POU3F3: variants seen among roughly 807,000 people sequenced by gnomAD.
POU3F3 encodes the protein POU class 3 homeobox 3, also known as POU domain, class 3, transcription factor 3.
Under a neutral mutation model 8.6 loss-of-function variants are expected in POU3F3, and 1 was observed. The observed-to-expected ratio is 0.12, with a 90% CI of 0.04 to 0.55. The LOEUF is 0.55. Ranked by LOEUF, POU3F3 falls within the 20% of genes least tolerant of loss-of-function variation. The pLI, the probability that POU3F3 is intolerant of heterozygous loss-of-function variation, is 0.91. For synonymous variants in POU3F3, 418 were observed against 327.4 expected, an observed-to-expected ratio of 1.28 and a Z score of -2.99; for missense variants, 577 against 690.7, an observed-to-expected ratio of 0.84 and a Z score of 1.84.
At chr2:104,865,034 A>G in the POU3F3 span, among the ~76,000 whole-genome samples, 68,371 of 151,918 alleles carry the variant, frequency 0.45, 15,615 homozygotes, top group East Asian at 0.7. Flanking sequence ...AATATACTCA[A>G]TTGCCACAGT....
At chr2:104,914,835 T>C in the POU3F3 span, among the ~76,000 whole-genome samples, 35 of 152,302 alleles carry the variant, frequency 2.3e-4, no homozygotes, top group African/African-American at 7.9e-4. Context: ...GGTTTGCCAT[T>C]AGCACAAGCT....
Position 104,856,204 on chromosome 2 carries a change from G to T in POU3F3, c.694G>T (p.Gly232Cys). 1 of 1,266,158 alleles carries T rather than the reference G, an allele frequency of 7.9e-7. No homozygotes were observed. The highest frequency in any genetic ancestry group is 9.9e-7 in the Non-Finnish European group (1 of 1,013,498). 78.4% of individuals were successfully genotyped at this position (1,266,158 alleles called of 1,614,324 possible). The change falls in exon 1 of 1, where the codon GGC (glycine) becomes TGC (cysteine). Residue 232 changes from glycine (G) to cysteine (C), a missense_variant. By Grantham distance (159) the Gly-to-Cys change is radical. Transcript: ENST00000361360. ...GCAGCCCGGAGGCTTCACGGTGAAC[G>T]GCATGCTGAGCGCGCCACCGGGGCC... ...YSQPGGFTVNGMLSAPPGPGG... is the reference protein window; with the variant it reads ...YSQPGGFTVNCMLSAPPGPGG...
the POU3F3 span, among the ~76,000 whole-genome samples, chr2:104,915,841 A>G: frequency 1.3e-5 from 2 of 152,062 alleles, no homozygotes; most frequent in African/African-American, 4.8e-5. Flanking sequence ...CTTTCACCTT[A>G]TAACTCATCA....
chr2:104,857,532 A>G lies in POU3F3; in HGVS notation c.*519A>G, dbSNP rs1676596795. 2 of 153,420 alleles carry G rather than the reference A, an allele frequency of 1.3e-5. No individual in the cohort carries two copies. The highest frequency in any genetic ancestry group is 2.9e-5 in the Non-Finnish European group (2 of 67,974). 9.5% of individuals were successfully genotyped at this position (153,420 alleles called of 1,614,324 possible). On this transcript the variant is annotated 3_prime_UTR_variant, in exon 1 of 1. Coordinates refer to ENST00000361360, the MANE Select transcript of POU3F3 (RefSeq NM_006236.3). ...GCCTCGTCTTCTCCTCTTTGAAAAA[A>G]AGAGAGAGAGAGAGTCCCCTTTCCT...
chr2:104,880,168 T>C, the POU3F3 span, among the ~76,000 whole-genome samples: 19 of 152,254 alleles, frequency 1.2e-4, no homozygotes, highest in Admixed American at 7.9e-4. Context: ...TATTTTCAGA[T>C]TCATCCTCTC....
the POU3F3 span, among the ~76,000 whole-genome samples, chr2:104,890,898 A>G: frequency 6.6e-6 from 1 of 152,216 alleles, no homozygotes; most frequent in African/African-American, 2.4e-5. Flanking sequence ...CGGGATGACT[A>G]CGGGAACCCT....
At chr2:104,926,781 T>C in the POU3F3 span, among the ~76,000 whole-genome samples, 1 of 152,080 alleles carries the variant, frequency 6.6e-6, no homozygotes, top group Admixed American at 6.5e-5. Flanking sequence ...AAAGGATGAG[T>C]TCATGTTGTT....
the POU3F3 span, among the ~76,000 whole-genome samples, chr2:104,905,268 A>G: frequency 6.6e-6 from 1 of 152,200 alleles, no homozygotes; most frequent in Non-Finnish European, 1.5e-5. Flanking sequence ...CTATTATAAG[A>G]GTAATACATG....
chr2:104,864,931 C>T, the POU3F3 span, among the ~76,000 whole-genome samples: 2 of 152,188 alleles, frequency 1.3e-5, no homozygotes, highest in Non-Finnish European at 2.9e-5. Context: ...TTGACACGTG[C>T]GTGTGTGTCT....
chr2:104,872,189 G>T, the POU3F3 span: 7 of 453,450 alleles, frequency 1.5e-5, no homozygotes, highest in African/African-American at 1.2e-4. The surrounding 1 kb of genome is among the most constrained non-coding windows in gnomAD (Gnocchi z 4.6). Flanking sequence ...CGCCGGCTGC[G>T]CCCTCCCTCT....
chr2:104,914,390 G>A, the POU3F3 span, among the ~76,000 whole-genome samples: 5 of 152,154 alleles, frequency 3.3e-5, no homozygotes, highest in Non-Finnish European at 5.9e-5. Context: ...GGTTGATTTA[G>A]GATAGGAGCT....
Position 104,857,207 on chromosome 2 carries a change from G to C in POU3F3, c.*194G>C. ...CTCCCCTCCACCCAGAGACAGGCAT[G>C]CCCGCCCTTGGAGGAGAAAACGCGG... On this transcript the variant is annotated 3_prime_UTR_variant, in exon 1 of 1. Coordinates refer to ENST00000361360, the MANE Select transcript of POU3F3 (RefSeq NM_006236.3). 4 of 572,108 alleles carry C rather than the reference G, an allele frequency of 7.0e-6. No individual in the cohort carries two copies. The highest frequency in any genetic ancestry group is 8.9e-6 in the Non-Finnish European group (4 of 451,050). The allele number at this position is 572,108 out of a possible 1,614,324, so 35.4% of individuals were successfully genotyped here.
At chr2:104,889,714 C>T in the POU3F3 span, among the ~76,000 whole-genome samples, 1 of 152,200 alleles carries the variant, frequency 6.6e-6, no homozygotes, top group Non-Finnish European at 1.5e-5. Context: ...TGTCAGGTAA[C>T]TGTTCTTCAT....
chr2:104,862,997 A>G (rs1360375759), downstream of POU3F3, among the ~76,000 whole-genome samples: 1 of 151,396 alleles, frequency 6.6e-6, no homozygotes, highest in Non-Finnish European at 1.5e-5. Context: ...GCAATAGTAA[A>G]TTCTTTTTTT....
chr2:104,896,789 A>T, the POU3F3 span, among the ~76,000 whole-genome samples: 1 of 152,186 alleles, frequency 6.6e-6, no homozygotes, highest in African/African-American at 2.4e-5. Context: ...AGCCTGTTTG[A>T]GTGAAGATGG....
At chr2:104,916,854 T>G in the POU3F3 span, among the ~76,000 whole-genome samples, 2,430 of 152,244 alleles carry the variant, frequency 0.016, 65 homozygotes, top group African/African-American at 0.055. Context: ...GATGCCCAGA[T>G]AGTTGGTAAA....
chr2:104,918,478 G>A, the POU3F3 span, among the ~76,000 whole-genome samples: 2 of 152,184 alleles, frequency 1.3e-5, no homozygotes, highest in East Asian at 3.9e-4. Context: ...CCATACTGGT[G>A]GAGGGTGGGC....
chr2:104,896,628 A>T, the POU3F3 span, among the ~76,000 whole-genome samples: 1 of 31,820 alleles, frequency 3.1e-5, no homozygotes, highest in Non-Finnish European at 5.6e-5. Flanking sequence ...CAGCTGAATC[A>T]TGTGGCTGAG....
the POU3F3 span, among the ~76,000 whole-genome samples, chr2:104,884,123 T>C: frequency 6.6e-6 from 1 of 151,900 alleles, no homozygotes; most frequent in African/African-American, 2.4e-5. Flanking sequence ...ATCTGTAGAG[T>C]GGACTATGGA....
Sources: gnomAD v4.1 joint callset for allele counts (sites outside exome capture counted in the v4.1 genomes callset) on GRCh38, gnomAD v4.1.1 for gene constraint, Gnocchi (gnomAD v3.1) non-coding constraint, MANE v1.5 for transcripts, NCBI Gene and HGNC (gene_info 2026-07-23, HGNC 2026-07-21) for gene names.